SKAP2: variants seen among roughly 807,000 people sequenced by gnomAD.
SKAP2 encodes the protein src kinase-associated phosphoprotein 2.
In SKAP2, 28 loss-of-function variants were observed where a neutral mutation model predicts 54.9. The observed-to-expected ratio is 0.51, with a 90% CI of 0.38 to 0.70. The LOEUF (loss-of-function observed/expected upper bound fraction) is 0.70. SKAP2 is among the 30% of genes least tolerant of loss of function. The probability of loss-of-function intolerance (pLI) is 0.00; values close to 1 mark genes in which losing one functional copy is unlikely to be tolerated. For missense variants in SKAP2, 356 were observed against 424.1 expected (o/e 0.84, Z 1.41); for synonymous variants, 137 against 134.3 (o/e 1.02, Z -0.14).
the SKAP2 span, among the ~76,000 whole-genome samples, chr7:26,657,719 G>T: frequency 7.0e-6 from 1 of 142,194 alleles, no homozygotes; most frequent in South Asian, 2.2e-4. Flanking sequence ...ATGAGCCAAA[G>T]AAAAAAAAAA....
chr7:26,707,778 G>C (rs1011823359), intron 9 of SKAP2, among the ~76,000 whole-genome samples: 1 of 152,186 alleles, frequency 6.6e-6, no homozygotes, highest in South Asian at 2.1e-4. Flanking sequence ...TGTTTTTCCA[G>C]GGCTGGAGGT....
chr7:26,813,818 T>C (rs1784207855), intron 4 of SKAP2, among the ~76,000 whole-genome samples: 1 of 152,222 alleles, frequency 6.6e-6, no homozygotes, highest in Admixed American at 6.5e-5. Flanking sequence ...TTCACAGAGG[T>C]TATTTTAAAT....
intron 4 of SKAP2, among the ~76,000 whole-genome samples, chr7:26,843,671 CTT>C (rs1270911487): frequency 6.6e-6 from 1 of 151,592 alleles, no homozygotes; most frequent in African/African-American, 2.4e-5. Flanking sequence ...GATCAAAAAT[CTT>C]TTTTATTATT....
At chr7:26,737,823 T>C (rs1454980621) in intron 6 of SKAP2, among the ~76,000 whole-genome samples, 1 of 152,226 alleles carries the variant, frequency 6.6e-6, no homozygotes, top group African/African-American at 2.4e-5. Flanking sequence ...ATCTTAAAAT[T>C]ATGTGAACTA....
At chr7:26,823,863 T>A (rs1044388055) in intron 4 of SKAP2, among the ~76,000 whole-genome samples, 1 of 152,022 alleles carries the variant, frequency 6.6e-6, no homozygotes, top group African/African-American at 2.4e-5. Context: ...GGATGAGGAG[T>A]TGCTTCTCAG....
At chr7:26,776,577 C>T (rs1173784869) in intron 4 of SKAP2, among the ~76,000 whole-genome samples, 2 of 152,076 alleles carry the variant, frequency 1.3e-5, no homozygotes, top group Non-Finnish European at 2.9e-5. Context: ...CATAGCTAAT[C>T]AGTCTCTAAG....
At chr7:26,738,926 A>G in intron 5 of SKAP2, 48 bp from the exon 6 acceptor site, 1 of 1,070,674 alleles carries the variant, frequency 9.3e-7, no homozygotes, top group East Asian at 2.4e-5. Flanking sequence ...ACTGTAAAAG[A>G]AAAAGTTAAT....
intron 4 of SKAP2, among the ~76,000 whole-genome samples, chr7:26,757,696 T>C (rs1782825726): frequency 6.6e-6 from 1 of 152,186 alleles, no homozygotes; most frequent in Non-Finnish European, 1.5e-5. Flanking sequence ...AGTAGTTTTT[T>C]CCAATTCTGT....
At position 26,726,898 on chromosome 7, in the gene SKAP2, T is replaced by G; in HGVS notation, c.578A>C (p.Asp193Ala). Reference protein sequence around the residue: ...KDCCFEISAPDKRIYQFTAAS... With the variant: ...KDCCFEISAPAKRIYQFTAAS... ...AACTACAACCTGATATATACGTTTA[T>G]CAGGAGCAGAGATTTCAAAACAGCA... is the stretch of plus-strand genomic sequence containing the variant. Residue 193 changes from aspartate to alanine, a missense_variant, in exon 7 of 13, where the codon GAT becomes GCT. By Grantham distance (126) the Asp-to-Ala change is moderately radical (BLOSUM62 -2). Transcript: ENST00000345317. The G allele has an allele frequency of 6.2e-7, 1 of 1,608,924 alleles. No homozygotes were observed. Among genetic ancestry groups the G allele is most frequent in the South Asian group, 1.1e-5 (1 of 90,184 alleles).
At chr7:26,699,216 A>G (rs1310134706) in intron 9 of SKAP2, among the ~76,000 whole-genome samples, 1 of 152,196 alleles carries the variant, frequency 6.6e-6, no homozygotes, top group Non-Finnish European at 1.5e-5. Context: ...AAGAATACCT[A>G]CAATTACCTG....
At chr7:26,741,564 AAATAAATAAATAAATT>A (rs745450702) in intron 4 of SKAP2, among the ~76,000 whole-genome samples, 6,825 of 96,536 alleles carry the variant, frequency 0.071, 230 homozygotes, top group Middle Eastern at 0.13. Flanking sequence ...ATAAATAAAT[AAATAAATAAATAAATT>A]AATAAAATGA....
At chr7:26,748,076 T>A (rs1782596128) in intron 4 of SKAP2, among the ~76,000 whole-genome samples, 1 of 152,212 alleles carries the variant, frequency 6.6e-6, no homozygotes, top group Non-Finnish European at 1.5e-5. Context: ...TACTTTAACA[T>A]ACATTTAAGT....
At chr7:26,680,220 G>T (rs1786461424) in intron 11 of SKAP2, among the ~76,000 whole-genome samples, 1 of 152,132 alleles carries the variant, frequency 6.6e-6, no homozygotes, top group Non-Finnish European at 1.5e-5. Context: ...ACTAATAGAG[G>T]ATAGAAATCC....
chr7:26,791,115 A>G (rs1220721157), intron 4 of SKAP2, among the ~76,000 whole-genome samples: 1 of 152,172 alleles, frequency 6.6e-6, no homozygotes, highest in Non-Finnish European at 1.5e-5. Context: ...GCACGCTCCA[A>G]GAGGTGAGGA....
chr7:26,765,401 T>C (rs1207496149), intron 4 of SKAP2, among the ~76,000 whole-genome samples: 1 of 152,204 alleles, frequency 6.6e-6, no homozygotes. Context: ...GCAAAAATTT[T>C]CTCCCATTCT....
intron 9 of SKAP2, among the ~76,000 whole-genome samples, chr7:26,697,702 T>C (rs1786925884): frequency 1.3e-5 from 2 of 152,090 alleles, no homozygotes; most frequent in South Asian, 4.1e-4. Context: ...AAAAGCAGTA[T>C]CTACTCATTG....
chr7:26,753,166 C>A (rs1782722053), intron 4 of SKAP2, among the ~76,000 whole-genome samples: 1 of 152,088 alleles, frequency 6.6e-6, no homozygotes. Context: ...CTGTAAACAG[C>A]CATTTGTGAG....
intron 1 of SKAP2, among the ~76,000 whole-genome samples, chr7:26,862,127 T>G (rs1364748172): frequency 6.6e-6 from 1 of 152,028 alleles, no homozygotes; most frequent in East Asian, 1.9e-4. Flanking sequence ...ATAATGTTAC[T>G]CTAAATCTAG....
At chr7:26,845,001 C>A (rs1340885347) in intron 3 of SKAP2, among the ~76,000 whole-genome samples, 1 of 152,020 alleles carries the variant, frequency 6.6e-6, no homozygotes, top group African/African-American at 2.4e-5. Context: ...TTTGCTAGCC[C>A]AGTTACACAT....
Sources: gnomAD v4.1 joint callset for allele counts (sites outside exome capture counted in the v4.1 genomes callset) on GRCh38, gnomAD v4.1.1 for gene constraint, MANE v1.5 for transcripts, NCBI Gene and HGNC (gene_info 2026-07-23, HGNC 2026-07-21) for gene names.